Variants in CDH13 observed in about 807,000 individuals in gnomAD.
CDH13 encodes the protein cadherin-13.
A neutral mutation model predicts 63.8 loss-of-function variants in CDH13; 24 were observed. That is an observed-to-expected ratio of 0.38 (90% CI 0.27 to 0.53). The LOEUF (loss-of-function observed/expected upper bound fraction) is 0.53. Ranked by LOEUF, CDH13 falls within the 20% of genes least tolerant of loss-of-function variation. CDH13 has a pLI of 0.85. For synonymous variants in CDH13, 503 were observed against 355.3 expected, an observed-to-expected ratio of 1.42 and a Z score of -4.67; for missense variants, 1,049 against 903.1, an observed-to-expected ratio of 1.16 and a Z score of -2.07.
chr16:83,188,046 C>G (rs187503452), intron 4 of CDH13, among the ~76,000 whole-genome samples: 5 of 152,262 alleles, frequency 3.3e-5, no homozygotes, highest in Admixed American at 6.5e-5. Flanking sequence ...GCAGAGGGAG[C>G]AAGGGAATGT....
At chr16:83,746,094 A>G (rs187880549) in intron 10 of CDH13, among the ~76,000 whole-genome samples, 12 of 152,330 alleles carry the variant, frequency 7.9e-5, no homozygotes, top group African/African-American at 2.9e-4. Context: ...ACTATAATAA[A>G]TTAGTAATGC....
chr16:82,666,898 G>A (rs1457647542), intron 1 of CDH13, among the ~76,000 whole-genome samples: 1 of 152,158 alleles, frequency 6.6e-6, no homozygotes, highest in East Asian at 1.9e-4. Flanking sequence ...GTCAAGATGG[G>A]TGACAATTAC....
intron 11 of CDH13, among the ~76,000 whole-genome samples, chr16:83,765,367 A>T (rs1914300783): frequency 6.6e-6 from 1 of 152,148 alleles, no homozygotes; most frequent in Non-Finnish European, 1.5e-5. Flanking sequence ...GAATTTTTGT[A>T]CAACAGTTTA....
chr16:83,444,228 G>C lies in CDH13; in HGVS notation c.782-42249G>C, dbSNP rs189807620. 4.6e-5 allele frequency among the ~76,000 whole-genome samples: 7 copies of C among 152,148 alleles called. No individual in the cohort carries two copies. In the East Asian group the frequency reaches 1.4e-3, roughly 29 times the overall value. On this transcript the variant is annotated intron_variant, in intron 6 of 13. Coordinates refer to ENST00000567109, the MANE Select transcript of CDH13 (RefSeq NM_001257.5). ...TGATGATAATGATGACCATAGTAAT[G>C]ATGATGATGATGACGATGATGGTAG...
intron 2 of CDH13, among the ~76,000 whole-genome samples, chr16:82,976,732 C>G (rs1465060107): frequency 1.3e-5 from 2 of 152,168 alleles, no homozygotes; most frequent in African/African-American, 4.8e-5. Flanking sequence ...ACTCCCAAAA[C>G]CAAGCACAGT....
chr16:83,502,030 A>C (rs1453843927), intron 7 of CDH13, among the ~76,000 whole-genome samples: 2 of 152,108 alleles, frequency 1.3e-5, no homozygotes, highest in Admixed American at 6.5e-5. Flanking sequence ...AAGTCACCTC[A>C]CCTACCTGAG....
At chr16:83,110,507 G>A (rs1288389185) in intron 3 of CDH13, among the ~76,000 whole-genome samples, 2 of 152,180 alleles carry the variant, frequency 1.3e-5, no homozygotes, top group Non-Finnish European at 2.9e-5. Flanking sequence ...TTACTGGGCT[G>A]GCGAGCTGAG....
rs754962424 is a variant in CDH13 at position 82,858,385 on chromosome 16, A to C, written c.69A>C (p.Glu23Asp). The change falls in exon 2 of 14, where the codon GAA becomes GAC. Residue 23 changes from glutamate to aspartate, a missense_variant. Physicochemically the swap from Glu to Asp is conservative, Grantham distance 45. Coordinates refer to ENST00000567109, the MANE Select transcript of CDH13 (RefSeq NM_001257.5). ...LSQVLLLTSA[E>D]DLDCTPGFQQ... ...AGGTGCTGCTGCTAACATCTGCAGA[A>C]GATTTGGACTGCACTCCTGGATTTC... The C allele has an allele frequency of 6.2e-7, 1 of 1,613,258 alleles. No homozygotes were observed. Among genetic ancestry groups the C allele is most frequent in the East Asian group, 2.2e-5 (1 of 44,890 alleles).
At chr16:83,589,053 G>A (rs1019808484) in intron 7 of CDH13, among the ~76,000 whole-genome samples, 2 of 152,176 alleles carry the variant, frequency 1.3e-5, no homozygotes, top group East Asian at 3.9e-4. Context: ...TCCAAAATAA[G>A]TCTCACTGGG....
intron 2 of CDH13, among the ~76,000 whole-genome samples, chr16:82,919,648 T>C (rs1390588052): frequency 6.6e-6 from 1 of 152,208 alleles, no homozygotes; most frequent in African/African-American, 2.4e-5. Flanking sequence ...TTATTGTGAA[T>C]AGTGCTATAG....
intron 8 of CDH13, among the ~76,000 whole-genome samples, chr16:83,607,812 G>A (rs1908484371): frequency 6.6e-6 from 1 of 152,166 alleles, no homozygotes; most frequent in Non-Finnish European, 1.5e-5. Flanking sequence ...GAAATGATCT[G>A]AGAAAATCTA....
At chr16:83,528,321 G>C (rs768132609) in intron 7 of CDH13, among the ~76,000 whole-genome samples, 1 of 152,224 alleles carries the variant, frequency 6.6e-6, no homozygotes, top group African/African-American at 2.4e-5. Flanking sequence ...TGTATTTAGA[G>C]AGATTTTAAA....
intron 10 of CDH13, among the ~76,000 whole-genome samples, chr16:83,718,485 T>C (rs906592925): frequency 4.6e-5 from 7 of 152,214 alleles, no homozygotes; most frequent in African/African-American, 1.7e-4. Flanking sequence ...GCTACCTCTA[T>C]GGATTTCTTT....
chr16:83,567,705 C>T (rs1014218986), intron 7 of CDH13, among the ~76,000 whole-genome samples: 2 of 152,180 alleles, frequency 1.3e-5, no homozygotes, highest in African/African-American at 4.8e-5. Flanking sequence ...ACGCTATTCT[C>T]CTGTCTCAGC....
At chr16:83,081,375 G>A (rs1313377037) in intron 3 of CDH13, among the ~76,000 whole-genome samples, 1 of 152,154 alleles carries the variant, frequency 6.6e-6, no homozygotes, top group Non-Finnish European at 1.5e-5. Flanking sequence ...CAGGATCACA[G>A]CTATGCTAAT....
chr16:82,985,337 G>A (rs1279783010), intron 2 of CDH13, among the ~76,000 whole-genome samples: 1 of 152,058 alleles, frequency 6.6e-6, no homozygotes, highest in African/African-American at 2.4e-5. Flanking sequence ...TATTCTGTAG[G>A]GAAAGCAGAA....
intron 6 of CDH13, among the ~76,000 whole-genome samples, chr16:83,453,573 C>G (rs145106103): frequency 6.6e-6 from 1 of 152,052 alleles, no homozygotes; most frequent in Admixed American, 6.6e-5. Flanking sequence ...GGGTGTCCTA[C>G]AATACGAAGT....
At chr16:82,701,035 A>G (rs1333808396) in intron 1 of CDH13, among the ~76,000 whole-genome samples, 1 of 137,324 alleles carries the variant, frequency 7.3e-6, no homozygotes, top group Non-Finnish European at 1.5e-5. Flanking sequence ...GCTCAAAAGC[A>G]AACTTCTTAT....
chr16:83,304,750 G>A (rs1293195272), intron 5 of CDH13, among the ~76,000 whole-genome samples: 3 of 152,150 alleles, frequency 2.0e-5, no homozygotes, highest in South Asian at 2.1e-4. Context: ...TGGGTTAATA[G>A]TCTGGGAGTA....
Sources: allele counts gnomAD v4.1 joint callset (sites outside exome capture counted in the v4.1 genomes callset), GRCh38; gene constraint gnomAD v4.1.1; transcripts MANE v1.5; gene names NCBI Gene and HGNC (gene_info 2026-07-23, HGNC 2026-07-21).